RAB3C: variants seen among roughly 807,000 people sequenced by gnomAD.
RAB3C encodes ras-related protein Rab-3C.
In RAB3C, 17 loss-of-function variants were observed where a neutral mutation model predicts 26.4. The observed-to-expected ratio is 0.64, with a 90% CI of 0.44 to 0.97. The LOEUF is 0.97. RAB3C is among the 50% of genes least tolerant of loss of function. RAB3C has a pLI of 0.00. For synonymous variants in RAB3C, 91 were observed against 95.9 expected, an observed-to-expected ratio of 0.95 and a Z score of 0.30; for missense variants, 242 against 281.9, an observed-to-expected ratio of 0.86 and a Z score of 1.01.
intron 2 of RAB3C, among the ~76,000 whole-genome samples, chr5:58,675,722 A>G (rs187617806): frequency 1.4e-4 from 21 of 151,198 alleles, no homozygotes; most frequent in Admixed American, 1.3e-3. Context: ...AAAGCATTAC[A>G]TTGGATCATG....
intron 3 of RAB3C, among the ~76,000 whole-genome samples, chr5:58,822,152 C>T (rs558210950): frequency 6.6e-6 from 1 of 152,184 alleles, no homozygotes; most frequent in African/African-American, 2.4e-5. Flanking sequence ...ATAGCTTCCT[C>T]TCAGCTTCCT....
chr5:58,714,352 A>G (rs913317962), intron 2 of RAB3C, among the ~76,000 whole-genome samples: 5 of 152,208 alleles, frequency 3.3e-5, no homozygotes, highest in Admixed American at 6.5e-5. Flanking sequence ...GACTATAACT[A>G]GAATTATATA....
intron 1 of RAB3C, among the ~76,000 whole-genome samples, chr5:58,595,296 A>G (rs911919941): frequency 2.0e-5 from 3 of 152,180 alleles, no homozygotes; most frequent in Admixed American, 1.3e-4. Context: ...GATGAAACAC[A>G]TTTCTCAGAA....
At chr5:58,803,181 G>A (rs1742848810) in intron 3 of RAB3C, among the ~76,000 whole-genome samples, 1 of 152,200 alleles carries the variant, frequency 6.6e-6, no homozygotes, top group African/African-American at 2.4e-5. Flanking sequence ...GCAGTCTACT[G>A]TCAGACTTGG....
intron 1 of RAB3C, among the ~76,000 whole-genome samples, chr5:58,612,512 GTGTGTGTGTATATATATATA>G (rs1350793958): frequency 7.3e-4 from 51 of 70,232 alleles, no homozygotes; most frequent in Admixed American, 1.1e-3. Flanking sequence ...GTGTGTGTGT[GTGTGTGTGTATATATATATA>G]TATATATATA....
chr5:58,792,096 A>T (rs997895600), intron 3 of RAB3C, among the ~76,000 whole-genome samples: 1 of 152,246 alleles, frequency 6.6e-6, no homozygotes, highest in Non-Finnish European at 1.5e-5. Context: ...GTAATATCTT[A>T]TATGAGGAAA....
chr5:58,798,096 G>A (rs553017448), intron 3 of RAB3C, among the ~76,000 whole-genome samples: 241 of 152,078 alleles, frequency 1.6e-3, no homozygotes, highest in Middle Eastern at 6.8e-3. Flanking sequence ...TACTTGGCGG[G>A]GGGGCCTCCT....
chr5:58,620,129 T>G (rs1244879986), intron 2 of RAB3C, among the ~76,000 whole-genome samples: 1 of 152,146 alleles, frequency 6.6e-6, no homozygotes, highest in Non-Finnish European at 1.5e-5. Flanking sequence ...TGGGACCTCA[T>G]TCTAGGGCCT....
At position 58,773,820 on chromosome 5, in the gene RAB3C, C is replaced by A. The variant is rs375139493; in HGVS notation, c.371+47700C>A. Among the ~76,000 whole-genome samples the A allele has an allele frequency of 1.2e-4, 18 of 152,244 alleles. 1 individual carries two copies. Among genetic ancestry groups the A allele is most frequent in the African/African-American group, 3.9e-4 (16 of 41,544 alleles). On this transcript the variant is annotated intron_variant, in intron 3 of 4. Transcript: ENST00000282878. Reference sequence around the variant, plus strand: ...ATCCTCTTCTAGCAATTCCCAGGACCAATTTATTCCAACCATCTGCTTTTT... The same window carrying A: ...ATCCTCTTCTAGCAATTCCCAGGACAAATTTATTCCAACCATCTGCTTTTT...
At chr5:58,823,065 AAAGC>A in intron 3 of RAB3C, 1 of 537,922 alleles carries the variant, frequency 1.9e-6, no homozygotes, top group South Asian at 1.6e-5. Context: ...TGTGATTCTG[AAAGC>A]AAGGAATTTA....
At position 58,769,324 on chromosome 5, in the gene RAB3C, G is replaced by A. The variant is rs146380645; in HGVS notation, c.371+43204G>A. Among the ~76,000 whole-genome samples, 58 of 152,196 alleles carry A rather than the reference G, an allele frequency of 3.8e-4. No individual in the cohort carries two copies. The East Asian group carries it at 0.01, about 27-fold the overall frequency. On this transcript the variant is annotated intron_variant, in intron 3 of 4. Coordinates refer to ENST00000282878, the MANE Select transcript of RAB3C (RefSeq NM_138453.4). ...GAGTATGTAGTTCAGGAAAGAGAGA[G>A]AGTTAAAGATAGGATGCAAGGAGTC...
chr5:58,822,744 T>C (rs1250741907), intron 3 of RAB3C: 3 of 515,724 alleles, frequency 5.8e-6, no homozygotes, highest in Non-Finnish European at 7.4e-6. Context: ...CATATGTACA[T>C]GGTACATGAA....
At chr5:58,712,503 A>G (rs1749080458) in intron 2 of RAB3C, among the ~76,000 whole-genome samples, 2 of 152,168 alleles carry the variant, frequency 1.3e-5, no homozygotes, top group African/African-American at 4.8e-5. Flanking sequence ...AAAACTGTCT[A>G]CAAAAAAAAG....
intron 2 of RAB3C, among the ~76,000 whole-genome samples, chr5:58,712,258 T>A (rs1424266970): frequency 6.6e-6 from 1 of 152,144 alleles, no homozygotes; most frequent in African/African-American, 2.4e-5. Flanking sequence ...AATAGAAATT[T>A]TCTGATTTCT....
At chr5:58,706,162 G>A (rs1748940173) in intron 2 of RAB3C, among the ~76,000 whole-genome samples, 1 of 152,178 alleles carries the variant, frequency 6.6e-6, no homozygotes, top group Non-Finnish European at 1.5e-5. Flanking sequence ...TTGTTGCTTA[G>A]GAATAGTTTA....
At chr5:58,686,651 C>T (rs1472374261) in intron 2 of RAB3C, among the ~76,000 whole-genome samples, 2 of 151,220 alleles carry the variant, frequency 1.3e-5, no homozygotes, top group African/African-American at 4.9e-5. Flanking sequence ...TTCTATGTGT[C>T]TCTCTCTCAC....
intron 2 of RAB3C, among the ~76,000 whole-genome samples, chr5:58,701,690 A>G (rs1748845452): frequency 6.6e-6 from 1 of 152,196 alleles, no homozygotes; most frequent in Admixed American, 6.5e-5. Context: ...TTCAGAGGCC[A>G]CCTGCATTCC....
Position 58,787,675 on chromosome 5 carries a change from C to T in RAB3C, c.372-37363C>T, listed in dbSNP as rs1470520059. Among the ~76,000 whole-genome samples the T allele has an allele frequency of 2.0e-5, 3 of 152,078 alleles. No individual in the cohort carries two copies. The South Asian group carries it at 6.2e-4, about 32-fold the overall frequency. Reference sequence around the variant, plus strand: ...TGGGACTAGAATCACCTTTAGATACCATGAATAATAAGCACAGTAAAAGTA... The same window carrying T: ...TGGGACTAGAATCACCTTTAGATACTATGAATAATAAGCACAGTAAAAGTA... On this transcript the variant is annotated intron_variant, in intron 3 of 4. Coordinates refer to ENST00000282878, the MANE Select transcript of RAB3C (RefSeq NM_138453.4).
intron 2 of RAB3C, among the ~76,000 whole-genome samples, chr5:58,669,211 A>G (rs1366821710): frequency 6.6e-6 from 1 of 152,122 alleles, no homozygotes; most frequent in Non-Finnish European, 1.5e-5. Flanking sequence ...GTCTCACTAG[A>G]TGGGTATAAT....
Sources: allele counts gnomAD v4.1 joint callset (sites outside exome capture counted in the v4.1 genomes callset), GRCh38; gene constraint gnomAD v4.1.1; transcripts MANE v1.5; gene names NCBI Gene and HGNC (gene_info 2026-07-23, HGNC 2026-07-21).